Variants in ERC2 observed in about 807,000 individuals in gnomAD.
ERC2 encodes ELKS/RAB6-interacting/CAST family member 2, also known as ERC protein 2.
In ERC2, 42 loss-of-function variants were observed where a neutral mutation model predicts 114.8. That is an observed-to-expected ratio of 0.37 (90% CI 0.29 to 0.47). The LOEUF (loss-of-function observed/expected upper bound fraction) is 0.47, where lower values mean the gene tolerates loss of function less well. Ranked by LOEUF, ERC2 falls within the 20% of genes least tolerant of loss-of-function variation. The pLI, the probability that ERC2 is intolerant of heterozygous loss-of-function variation, is 0.99. For synonymous variants in ERC2, 454 were observed against 425.5 expected (o/e 1.07, Z -0.82); for missense variants, 939 against 1,150.7 (o/e 0.82, Z 2.66).
At chr3:55,629,546 G>A (rs765037880) in intron 17 of ERC2, among the ~76,000 whole-genome samples, 2 of 152,274 alleles carry the variant, frequency 1.3e-5, no homozygotes, top group Non-Finnish European at 2.9e-5. Flanking sequence ...AATGACCAAA[G>A]TATCCTAAAC....
chr3:55,868,307 T>C (rs1466686460), intron 14 of ERC2, among the ~76,000 whole-genome samples: 1 of 152,200 alleles, frequency 6.6e-6, no homozygotes, highest in East Asian at 1.9e-4. Flanking sequence ...TGGGCCATGA[T>C]ATAATCCACA....
At chr3:55,594,235 A>G (rs2058033018) in intron 17 of ERC2, among the ~76,000 whole-genome samples, 1 of 152,228 alleles carries the variant, frequency 6.6e-6, no homozygotes, top group Non-Finnish European at 1.5e-5. Context: ...ACAGAAGAAC[A>G]TCAAAGTGTG....
intron 7 of ERC2, among the ~76,000 whole-genome samples, chr3:56,057,606 A>T (rs1304076854): frequency 1.3e-5 from 2 of 152,242 alleles, no homozygotes; most frequent in Admixed American, 6.5e-5. Context: ...GTTAAACTGG[A>T]ATCCAAACAG....
In ERC2 at chr3:55,563,221, T is replaced by G. The variant is rs374603177; in HGVS notation, c.*40-51945A>C. On this transcript the variant is annotated intron_variant, in intron 17 of 17. Coordinates refer to ENST00000288221, the MANE Select transcript of ERC2 (RefSeq NM_015576.3). Reference sequence around the variant, plus strand: ...TTAAAAAGAAATAATAATCATTTCTTAGCAGTAAGTAAGGTGGACTGTTGC... The same window carrying G: ...TTAAAAAGAAATAATAATCATTTCTGAGCAGTAAGTAAGGTGGACTGTTGC... Among the ~76,000 whole-genome samples, 25 of 152,264 alleles carry G rather than the reference T, an allele frequency of 1.6e-4. 1 individual carries two copies. Among genetic ancestry groups the G allele is most frequent in the African/African-American group, 6.0e-4 (25 of 41,550 alleles).
intron 14 of ERC2, among the ~76,000 whole-genome samples, chr3:55,736,629 C>T (rs1451172923): frequency 2.0e-5 from 3 of 152,110 alleles, no homozygotes; most frequent in Non-Finnish European, 2.9e-5. Flanking sequence ...CTAGAAGATC[C>T]CTCAGCACAT....
At chr3:56,044,552 G>A (rs902599426) in intron 7 of ERC2, among the ~76,000 whole-genome samples, 1 of 151,966 alleles carries the variant, frequency 6.6e-6, no homozygotes, top group Admixed American at 6.6e-5. Flanking sequence ...GTATTCATTT[G>A]GGGGGAAAAT....
At chr3:56,370,912 A>G (rs2150587153) in intron 2 of ERC2, among the ~76,000 whole-genome samples, 1 of 152,224 alleles carries the variant, frequency 6.6e-6, no homozygotes, top group African/African-American at 2.4e-5. Flanking sequence ...CTGGTTCTAA[A>G]GCAGCTTACA....
intron 10 of ERC2, among the ~76,000 whole-genome samples, chr3:55,996,186 C>T (rs140581868): frequency 5.1e-4 from 77 of 152,238 alleles, no homozygotes; most frequent in Middle Eastern, 3.4e-3. Flanking sequence ...CAATTAGCTC[C>T]CCAACAAGGT....
chr3:55,883,545 CACA>C lies in ERC2; in HGVS notation c.2564+4841_2564+4843del, dbSNP rs1559811992. Among the ~76,000 whole-genome samples the C allele has an allele frequency of 4.0e-3, 491 of 121,734 alleles. 8 individuals carry two copies. The highest frequency in any genetic ancestry group is 0.015 in the East Asian group (72 of 4,804). The allele number at this position is 121,734 out of a possible 152,430, so 79.9% of individuals were successfully genotyped here. On this transcript the variant is annotated intron_variant, in intron 14 of 17. Coordinates refer to ENST00000288221, the MANE Select transcript of ERC2 (RefSeq NM_015576.3). ...AAGTGGATATAATTAAACATACACA[CACA>C]CACACACACACACACACACACAAGT...
chr3:56,352,140 G>A (rs2058576908), intron 2 of ERC2, among the ~76,000 whole-genome samples: 1 of 152,178 alleles, frequency 6.6e-6, no homozygotes, highest in Admixed American at 6.5e-5. Flanking sequence ...ATAATTACAT[G>A]TCCAGATTAA....
intron 3 of ERC2, among the ~76,000 whole-genome samples, chr3:56,278,123 GTGAC>G (rs1173752328): frequency 6.6e-6 from 1 of 152,196 alleles, no homozygotes; most frequent in East Asian, 1.9e-4. Flanking sequence ...CCCACCGTGG[GTGAC>G]TGATAAATGT....
At chr3:56,050,506 T>C (rs2075714224) in intron 7 of ERC2, among the ~76,000 whole-genome samples, 1 of 152,168 alleles carries the variant, frequency 6.6e-6, no homozygotes, top group Admixed American at 6.5e-5. Context: ...CCCTGCCTAA[T>C]TCGCCAGCCT....
chr3:56,003,394 A>G (rs891398916), intron 10 of ERC2, among the ~76,000 whole-genome samples: 11 of 152,162 alleles, frequency 7.2e-5, no homozygotes, highest in African/African-American at 2.7e-4. Context: ...CTCAAGTTAA[A>G]TAACCCATGA....
rs551029506 is a variant in ERC2, at chr3:56,013,424, T to C, written c.1780-2835A>G. Among the ~76,000 whole-genome samples the C allele has an allele frequency of 6.6e-4, 101 of 152,196 alleles. 1 individual carries two copies. Among genetic ancestry groups the C allele is most frequent in the Non-Finnish European group, 1.2e-3 (81 of 68,034 alleles). ...TGAGCAAAACTCCATTTAAAGAAGA[T>C]TGTGATGTTGCCAAAAGCACAAAGA... On this transcript the variant is annotated intron_variant, in intron 8 of 17. Transcript: ENST00000288221.
chr3:55,980,380 T>C (rs994106997), intron 12 of ERC2, among the ~76,000 whole-genome samples: 4 of 152,160 alleles, frequency 2.6e-5, no homozygotes, highest in African/African-American at 9.7e-5. Context: ...CCCCCCAAAA[T>C]GTAGACTTCA....
intron 1 of ERC2, among the ~76,000 whole-genome samples, chr3:56,453,012 T>TA (rs1171166698): frequency 1.3e-5 from 2 of 152,112 alleles, no homozygotes; most frequent in Non-Finnish European, 2.9e-5. Context: ...GCAATGGGTC[T>TA]AAAAAAAGTA....
intron 13 of ERC2, among the ~76,000 whole-genome samples, chr3:55,944,815 G>C (rs1175496413): frequency 6.6e-6 from 1 of 152,140 alleles, no homozygotes; most frequent in Non-Finnish European, 1.5e-5. Flanking sequence ...AAAAACAAAT[G>C]TCAAAATAAA....
chr3:55,953,225 A>T (rs989140321), intron 12 of ERC2, among the ~76,000 whole-genome samples: 7 of 149,118 alleles, frequency 4.7e-5, no homozygotes, highest in Non-Finnish European at 7.4e-5. Flanking sequence ...AAAAAGAATG[A>T]GTGGCTGAGA....
chr3:55,675,155 T>C (rs2061728904), intron 17 of ERC2, among the ~76,000 whole-genome samples: 1 of 152,222 alleles, frequency 6.6e-6, no homozygotes, highest in Admixed American at 6.5e-5. Flanking sequence ...AGTTCTCAGT[T>C]GCTGTGTGCT....
Sources: allele counts gnomAD v4.1 joint callset (sites outside exome capture counted in the v4.1 genomes callset), GRCh38; gene constraint gnomAD v4.1.1; transcripts MANE v1.5; gene names NCBI Gene and HGNC (gene_info 2026-07-23, HGNC 2026-07-21).